Variants in MDGA2 observed in about 807,000 individuals in gnomAD.
The protein encoded by MDGA2 is MAM domain containing glycosylphosphatidylinositol anchor 2, also known as MAM domain-containing glycosylphosphatidylinositol anchor protein 2.
MDGA2 carries 40 observed loss-of-function variants against 117.8 expected under a neutral mutation model. The observed-to-expected ratio is 0.34, with a 90% CI of 0.26 to 0.44. The LOEUF (loss-of-function observed/expected upper bound fraction) is 0.44. Among genes scored for constraint, MDGA2 ranks in the 20% least tolerant of loss-of-function variants. The probability of loss-of-function intolerance (pLI) is 1.00; values close to 1 mark genes in which losing one functional copy is unlikely to be tolerated. For missense variants in MDGA2, 1,123 were observed against 1,250.6 expected, an observed-to-expected ratio of 0.90 and a Z score of 1.54; for synonymous variants, 452 against 439.0, an observed-to-expected ratio of 1.03 and a Z score of -0.37.
At chr14:47,093,549 C>A (rs8020972) in intron 6 of MDGA2, among the ~76,000 whole-genome samples, 53,432 of 151,848 alleles carry the variant, frequency 0.35, 9,677 homozygotes, top group East Asian at 0.52. Flanking sequence ...TAGGCAACTG[C>A]TTCTCTCCTA....
intron 1 of MDGA2, among the ~76,000 whole-genome samples, chr14:47,503,196 ATC>A (rs1403917504): frequency 5.3e-5 from 8 of 152,074 alleles, no homozygotes; most frequent in African/African-American, 1.9e-4. Flanking sequence ...TGAAATATAA[ATC>A]TGTTTTAAAA....
chr14:47,643,386 T>C (rs1448972549), intron 1 of MDGA2, among the ~76,000 whole-genome samples: 1 of 152,084 alleles, frequency 6.6e-6, no homozygotes, highest in Non-Finnish European at 1.5e-5. Context: ...TTCACCATTT[T>C]TGGACATGCA....
intron 1 of MDGA2, among the ~76,000 whole-genome samples, chr14:47,612,217 T>C (rs866068483): frequency 1.3e-5 from 2 of 149,212 alleles, no homozygotes; most frequent in African/African-American, 4.9e-5. Context: ...GACAGATAGA[T>C]AGATAGATAG....
At chr14:47,459,923 T>C (rs1326996530) in intron 1 of MDGA2, among the ~76,000 whole-genome samples, 1 of 152,140 alleles carries the variant, frequency 6.6e-6, no homozygotes, top group Non-Finnish European at 1.5e-5. Context: ...AACCAGGCAA[T>C]TTATTTTTGA....
intron 3 of MDGA2, among the ~76,000 whole-genome samples, chr14:47,173,815 T>C (rs1188273696): frequency 1.3e-5 from 2 of 152,170 alleles, no homozygotes; most frequent in Non-Finnish European, 1.5e-5. Context: ...ACTTTAAATG[T>C]AAATGGACTA....
At chr14:47,297,540 G>C (rs1437409626) in intron 2 of MDGA2, among the ~76,000 whole-genome samples, 3 of 145,616 alleles carry the variant, frequency 2.1e-5, no homozygotes, top group East Asian at 2.2e-4. Flanking sequence ...TAGGAGGGGG[G>C]CAGGGAAGGA....
At chr14:46,889,443 T>C (rs948025300) in intron 10 of MDGA2, among the ~76,000 whole-genome samples, 1 of 152,094 alleles carries the variant, frequency 6.6e-6, no homozygotes, top group Non-Finnish European at 1.5e-5. Flanking sequence ...TTGAATTATG[T>C]CTAAATTAAA....
chr14:46,953,798 G>C (rs1225241127), intron 9 of MDGA2, among the ~76,000 whole-genome samples: 1 of 151,858 alleles, frequency 6.6e-6, no homozygotes, highest in Non-Finnish European at 1.5e-5. Context: ...AAATATTTAG[G>C]AATATCAATT....
At chr14:47,122,455 G>A (rs913849348) in intron 5 of MDGA2, among the ~76,000 whole-genome samples, 1 of 152,104 alleles carries the variant, frequency 6.6e-6, no homozygotes, top group Admixed American at 6.6e-5. Context: ...GACTTCCAGT[G>A]AGTCCAAGGC....
At chr14:47,303,016 A>G (rs940996148) in intron 1 of MDGA2, among the ~76,000 whole-genome samples, 9 of 152,134 alleles carry the variant, frequency 5.9e-5, no homozygotes, top group South Asian at 2.1e-4. Context: ...AAAGTTTCCA[A>G]TAGTAGAATA....
At chr14:47,383,980 A>AAAT (rs1891696002) in intron 1 of MDGA2, among the ~76,000 whole-genome samples, 1 of 96,122 alleles carries the variant, frequency 1.0e-5, no homozygotes, top group South Asian at 4.4e-4. Context: ...TTAAATAGAT[A>AAAT]GATGATAGAT....
At chr14:47,424,564 T>C (rs890419586) in intron 1 of MDGA2, among the ~76,000 whole-genome samples, 1 of 152,206 alleles carries the variant, frequency 6.6e-6, no homozygotes, top group African/African-American at 2.4e-5. Context: ...CATCATTCCT[T>C]GGCACATACA....
chr14:47,616,243 C>T lies in MDGA2; in HGVS notation c.280+58274G>A, dbSNP rs537098004. On this transcript the variant is annotated intron_variant, in intron 1 of 16. Coordinates refer to ENST00000399232, the MANE Select transcript of MDGA2 (RefSeq NM_001113498.3). ...CACATTGTCTGCTCCTCCTCTGATA[C>T]GCTGCTAAAATTTCCAGACTACTTT... 1.1e-4 allele frequency among the ~76,000 whole-genome samples: 16 copies of T among 152,288 alleles called. 2 individuals carry two copies. In the South Asian group the frequency reaches 1.9e-3, roughly 18 times the overall value.
At position 47,301,513 on chromosome 14, in the gene MDGA2, G is replaced by C; in HGVS notation, c.318C>G (p.Ala106=). The C allele has an allele frequency of 6.4e-7, 1 of 1,551,680 alleles. No individual in the cohort carries two copies. The highest frequency in any genetic ancestry group is 8.7e-7 in the Non-Finnish European group (1 of 1,146,974). The change falls in exon 2 of 17, where the codon GCC becomes GCG. Residue 106 remains alanine (A), a synonymous_variant. Transcript: ENST00000399232. The stretch of plus-strand genomic sequence containing the variant: ...AGTAGCGCTCCTCTTCAATGTTACA[G>C]GCCAAGCCTGAGTGCACAATACGAA... ...PTVRIVHSGL[A]CNIEEERYSE... is the part of the protein sequence containing the mutation.
chr14:47,208,107 T>C (rs946304928), intron 3 of MDGA2, among the ~76,000 whole-genome samples: 1 of 152,010 alleles, frequency 6.6e-6, no homozygotes, highest in Admixed American at 6.6e-5. Flanking sequence ...AGAAATCATT[T>C]TAATTTTAAA....
intron 1 of MDGA2, among the ~76,000 whole-genome samples, chr14:47,476,633 T>C (rs1187708649): frequency 6.6e-6 from 1 of 152,176 alleles, no homozygotes; most frequent in Non-Finnish European, 1.5e-5. Context: ...ACACAGAGTT[T>C]ATCATTTAGC....
At chr14:46,950,497 G>C (rs1004605138) in intron 9 of MDGA2, among the ~76,000 whole-genome samples, 1 of 151,936 alleles carries the variant, frequency 6.6e-6, no homozygotes, top group Non-Finnish European at 1.5e-5. Context: ...TCTGCTTAAA[G>C]TTATTTTTCA....
At position 47,442,907 on chromosome 14, in the gene MDGA2, C is replaced by T. The variant is rs560426549; in HGVS notation, c.281-141357G>A. Among the ~76,000 whole-genome samples, 50 of 152,126 alleles carry T rather than the reference C, an allele frequency of 3.3e-4. 1 individual carries two copies. In the East Asian group the frequency reaches 8.9e-3, roughly 27 times the overall value. The stretch of plus-strand genomic sequence containing the variant: ...CTGGAATATGAATCATCCCTTTGTT[C>T]GGCGTACCCATGTTGTCTATGCTAC... On this transcript the variant is annotated intron_variant, in intron 1 of 16. Transcript: ENST00000399232.
rs563880929 is a variant in MDGA2 at position 47,585,904 on chromosome 14, C to T, written c.280+88613G>A. Among the ~76,000 whole-genome samples the T allele has an allele frequency of 2.2e-3, 341 of 151,896 alleles. 17 individuals are homozygous for T. The South Asian group carries it at 0.069, about 31-fold the overall frequency. Reference sequence around the variant, plus strand: ...AGAGGCAAGAAACATTTTCTTCCTTCATCTCAGTATATACAGTCTCTGGGA... The same window carrying T: ...AGAGGCAAGAAACATTTTCTTCCTTTATCTCAGTATATACAGTCTCTGGGA... On this transcript the variant is annotated intron_variant, in intron 1 of 16. Transcript: ENST00000399232.
Sources: allele counts gnomAD v4.1 joint callset (sites outside exome capture counted in the v4.1 genomes callset), GRCh38; gene constraint gnomAD v4.1.1; transcripts MANE v1.5; gene names NCBI Gene and HGNC (gene_info 2026-07-23, HGNC 2026-07-21).